The following PAN3 variants were observed in gnomAD, a reference collection of about 807,000 sequenced individuals.
PAN3 encodes poly(A) specific ribonuclease subunit PAN3.
PAN3 carries 19 observed loss-of-function variants against 96.2 expected under a neutral mutation model. The observed-to-expected ratio is 0.20, with a 90% CI of 0.14 to 0.29. The LOEUF (loss-of-function observed/expected upper bound fraction) is 0.29. Ranked by LOEUF, PAN3 falls within the 10% of genes least tolerant of loss-of-function variation. The pLI, the probability that PAN3 is intolerant of heterozygous loss-of-function variation, is 1.00. For synonymous variants in PAN3, 433 were observed against 406.6 expected, an observed-to-expected ratio of 1.06 and a Z score of -0.78; for missense variants, 882 against 1,108.1, an observed-to-expected ratio of 0.80 and a Z score of 2.90.
intron 5 of PAN3, among the ~76,000 whole-genome samples, chr13:28,207,709 C>T (rs571928355): frequency 4.1e-4 from 62 of 152,340 alleles, no homozygotes; most frequent in South Asian, 2.3e-3. Flanking sequence ...CTAGCACTTA[C>T]CAGATTCTAA....
At chr13:28,183,728 G>A (rs556071410) in intron 4 of PAN3, among the ~76,000 whole-genome samples, 2 of 152,322 alleles carry the variant, frequency 1.3e-5, no homozygotes, top group African/African-American at 2.4e-5. Flanking sequence ...GAGGCAGTCA[G>A]GATTGAATTA....
At chr13:28,227,811 A>G (rs1029869432) in intron 6 of PAN3, among the ~76,000 whole-genome samples, 4 of 152,210 alleles carry the variant, frequency 2.6e-5, no homozygotes, top group Admixed American at 1.3e-4. Flanking sequence ...TTCTGTGTAA[A>G]TAGAAAATCT....
chr13:28,274,663 G>A (rs1886917084), intron 14 of PAN3, among the ~76,000 whole-genome samples: 1 of 152,090 alleles, frequency 6.6e-6, no homozygotes, highest in African/African-American at 2.4e-5. Flanking sequence ...ATTAATATTT[G>A]TAAGTCAGGA....
chr13:28,139,254 G>C (rs1869265867), intron 1 of PAN3, among the ~76,000 whole-genome samples, 167 bp downstream of exon 1: 1 of 151,116 alleles, frequency 6.6e-6, no homozygotes, highest in Non-Finnish European at 1.5e-5. Context: ...CCTTCTTCCT[G>C]CTTCCCCTCC....
chr13:28,210,774 C>T (rs537170793), intron 5 of PAN3, among the ~76,000 whole-genome samples: 6 of 152,166 alleles, frequency 3.9e-5, no homozygotes, highest in African/African-American at 1.2e-4. Flanking sequence ...CTTATGTGAA[C>T]CTGGGGATTC....
At chr13:28,157,037 A>T (rs1872271491) in intron 1 of PAN3, among the ~76,000 whole-genome samples, 1 of 151,606 alleles carries the variant, frequency 6.6e-6, no homozygotes, top group African/African-American at 2.4e-5. Context: ...CACCATGAAC[A>T]AGTAGGCTTT....
intron 1 of PAN3, among the ~76,000 whole-genome samples, chr13:28,162,493 T>A (rs768177128): frequency 1.3e-5 from 2 of 152,006 alleles, no homozygotes; most frequent in African/African-American, 4.8e-5. Flanking sequence ...GAGACCAGCC[T>A]GGGCAACATG....
intron 6 of PAN3, among the ~76,000 whole-genome samples, chr13:28,245,869 A>G (rs1259310702): frequency 6.6e-6 from 1 of 152,192 alleles, no homozygotes; most frequent in African/African-American, 2.4e-5. Context: ...TTTATGGGTG[A>G]ATAATATTCC....
intron 17 of PAN3, among the ~76,000 whole-genome samples, chr13:28,283,023 C>T (rs1391811402): frequency 1.3e-5 from 2 of 151,850 alleles, no homozygotes; most frequent in Non-Finnish European, 2.9e-5. Context: ...TGAATGCATA[C>T]TAAATTCTAG....
At chr13:28,281,515 T>A in intron 17 of PAN3, 136 bp downstream of exon 17, 1 of 795,600 alleles carries the variant, frequency 1.3e-6, no homozygotes, top group Non-Finnish European at 2.0e-6. Flanking sequence ...GTGTTAGCTG[T>A]TAAGGTGCTA....
intron 4 of PAN3, among the ~76,000 whole-genome samples, chr13:28,193,413 G>C (rs1877534651): frequency 6.6e-6 from 1 of 152,128 alleles, no homozygotes; most frequent in South Asian, 2.1e-4. Flanking sequence ...AATGAGTGCA[G>C]TTAAAGAGGG....
intron 2 of PAN3, 35 bp from the exon 3 acceptor site, chr13:28,176,458 T>A: frequency 6.4e-7 from 1 of 1,570,974 alleles, no homozygotes; most frequent in Non-Finnish European, 8.8e-7. Flanking sequence ...TCTGTATTCC[T>A]CAGTGATGTT....
intron 14 of PAN3, chr13:28,272,283 A>G (rs1174378342): frequency 1.2e-5 from 4 of 334,756 alleles, no homozygotes; most frequent in Middle Eastern, 7.9e-4. Flanking sequence ...TTTCCTTTCT[A>G]TTCTTTTGCT....
chr13:28,159,866 A>G (rs188395695), intron 1 of PAN3, among the ~76,000 whole-genome samples: 3 of 152,278 alleles, frequency 2.0e-5, no homozygotes, highest in East Asian at 1.9e-4. Context: ...AACCCCTGCC[A>G]TATGTAATTT....
At chr13:28,197,453 A>T in intron 5 of PAN3, 107 bp downstream of exon 5, 7 of 1,100,608 alleles carry the variant, frequency 6.4e-6, no homozygotes, top group Non-Finnish European at 7.4e-6. Context: ...TAGCTGGTAT[A>T]CTTAGGTAAT....
At chr13:28,269,626 CTT>C (rs59406912) in intron 12 of PAN3, among the ~76,000 whole-genome samples, 14,098 of 152,060 alleles carry the variant, frequency 0.093, 811 homozygotes, top group African/African-American at 0.17. Context: ...TGCAAAAACT[CTT>C]GTTTCCTTAT....
chr13:28,183,717 C>T (rs1328075642), intron 4 of PAN3, among the ~76,000 whole-genome samples: 3 of 152,136 alleles, frequency 2.0e-5, no homozygotes, highest in South Asian at 2.1e-4. Context: ...GAGTTAGATG[C>T]GAGGCAGTCA....
intron 1 of PAN3, among the ~76,000 whole-genome samples, chr13:28,151,533 T>C (rs1215125449): frequency 6.6e-6 from 1 of 151,060 alleles, no homozygotes; most frequent in African/African-American, 2.4e-5. Flanking sequence ...AAAAGTTCTG[T>C]GGCAAGAGGG....
At chr13:28,154,186 C>T (rs566912945) in intron 1 of PAN3, among the ~76,000 whole-genome samples, 96 of 152,206 alleles carry the variant, frequency 6.3e-4, no homozygotes, top group African/African-American at 2.3e-3. Flanking sequence ...TGCAGCACTC[C>T]CCAGAATCAG....
Sources: gnomAD v4.1 joint callset for allele counts (sites outside exome capture counted in the v4.1 genomes callset) on GRCh38, gnomAD v4.1.1 for gene constraint, MANE v1.5 for transcripts, NCBI Gene and HGNC (gene_info 2026-07-23, HGNC 2026-07-21) for gene names.